Variants in RGS6 observed in about 807,000 individuals in gnomAD.
RGS6 encodes regulator of G protein signaling 6.
A neutral mutation model predicts 78.5 loss-of-function variants in RGS6; 30 were observed. That is an observed-to-expected ratio of 0.38 (90% confidence interval 0.29 to 0.52). The LOEUF (loss-of-function observed/expected upper bound fraction) is 0.52, where lower values mean the gene tolerates loss of function less well. Ranked by LOEUF, RGS6 falls within the 20% of genes least tolerant of loss-of-function variation. RGS6 has a pLI of 0.85. For synonymous variants in RGS6, 206 were observed against 206.0 expected, an observed-to-expected ratio of 1.00 and a Z score of 0.00; for missense variants, 495 against 609.7, an observed-to-expected ratio of 0.81 and a Z score of 1.98.
intron 2 of RGS6, among the ~76,000 whole-genome samples, chr14:72,280,496 CATATTT>C (rs1452778961): frequency 7.9e-5 from 12 of 152,134 alleles, no homozygotes; most frequent in African/African-American, 2.9e-4. Flanking sequence ...GTGGTGATGA[CATATTT>C]ATATCACAGA....
At chr14:72,546,245 C>G (rs2097400828) in intron 17 of RGS6, among the ~76,000 whole-genome samples, 1 of 152,200 alleles carries the variant, frequency 6.6e-6, no homozygotes, top group African/African-American at 2.4e-5. Flanking sequence ...TATCTTGACT[C>G]TGTGTGAAAT....
At chr14:72,548,712 C>G (rs114588031) in intron 17 of RGS6, among the ~76,000 whole-genome samples, 1 of 151,844 alleles carries the variant, frequency 6.6e-6, no homozygotes, top group South Asian at 2.1e-4. Context: ...AAATGTCTAG[C>G]CCCCCAGCAG....
chr14:72,453,166 G>A, intron 3 of RGS6, among the ~76,000 whole-genome samples: 1 of 152,186 alleles, frequency 6.6e-6, no homozygotes, highest in Non-Finnish European at 1.5e-5. Flanking sequence ...TTTCTGTTCA[G>A]ATAAATCAAG....
chr14:71,907,901 G>A, the RGS6 span, among the ~76,000 whole-genome samples: 126,184 of 152,136 alleles, frequency 0.83, 52,549 homozygotes, highest in Middle Eastern at 0.85. Context: ...TTGGTGCACA[G>A]GAGAGCAGAT....
intron 2 of RGS6, among the ~76,000 whole-genome samples, chr14:72,104,584 C>T (rs775958264): frequency 5.9e-5 from 9 of 152,186 alleles, no homozygotes; most frequent in African/African-American, 9.6e-5. Flanking sequence ...TACATCCAGA[C>T]GCAAAGCCAC....
chr14:72,369,427 G>C (rs927681726), intron 3 of RGS6, among the ~76,000 whole-genome samples: 2 of 152,182 alleles, frequency 1.3e-5, no homozygotes, highest in African/African-American at 4.8e-5. Flanking sequence ...AGAACTGTGA[G>C]ATAATAAATT....
intron 2 of RGS6, among the ~76,000 whole-genome samples, chr14:72,021,083 C>T (rs2088349023): frequency 6.6e-6 from 1 of 152,190 alleles, no homozygotes; most frequent in Non-Finnish European, 1.5e-5. Flanking sequence ...TCTTTCTGTT[C>T]TCTGCTGATG....
chr14:72,102,618 T>C (rs1481200040), intron 2 of RGS6, among the ~76,000 whole-genome samples: 1 of 152,192 alleles, frequency 6.6e-6, no homozygotes, highest in Non-Finnish European at 1.5e-5. Flanking sequence ...AAGATTTTAA[T>C]TTAGCATGCC....
At chr14:72,331,470 A>G (rs1043645557) in intron 2 of RGS6, among the ~76,000 whole-genome samples, 2 of 152,202 alleles carry the variant, frequency 1.3e-5, no homozygotes, top group Non-Finnish European at 2.9e-5. Context: ...TGCAGTATTC[A>G]GTGGAGACAA....
rs558534392 is a variant in RGS6, at chr14:72,535,884, T to C, written c.1279-302T>C. The stretch of plus-strand genomic sequence containing the variant: ...GTTGGGTGTAAGAACAGTTTGTTCC[T>C]CCTCATTGCCATGTCTGGTTTTAAT... On this transcript the variant is annotated intron_variant, in intron 15 of 17. Coordinates refer to ENST00000553525, the MANE Select transcript of RGS6 (RefSeq NM_001204424.2). Among the ~76,000 whole-genome samples, 14 of 152,296 alleles carry C rather than the reference T, an allele frequency of 9.2e-5. No individual in the cohort carries two copies. The South Asian group carries it at 2.9e-3, about 32-fold the overall frequency.
chr14:72,470,739 C>T (rs1360170430), intron 8 of RGS6, among the ~76,000 whole-genome samples: 2 of 151,996 alleles, frequency 1.3e-5, no homozygotes, highest in Non-Finnish European at 2.9e-5. Context: ...ATTAGCTGGG[C>T]ATAGTGGTAC....
chr14:72,213,675 C>T (rs1450977046), intron 2 of RGS6, among the ~76,000 whole-genome samples: 1 of 152,162 alleles, frequency 6.6e-6, no homozygotes, highest in African/African-American at 2.4e-5. Context: ...CATCATCCCA[C>T]GTGTGCATCC....
chr14:72,496,046 G>T (rs1255911878), intron 13 of RGS6, among the ~76,000 whole-genome samples: 1 of 151,850 alleles, frequency 6.6e-6, no homozygotes, highest in African/African-American at 2.4e-5. Context: ...TTTCACTTTT[G>T]CCCCTTTTCT....
At chr14:71,940,338 C>T (rs960424531) in intron 1 of RGS6, among the ~76,000 whole-genome samples, 1 of 152,154 alleles carries the variant, frequency 6.6e-6, no homozygotes, top group Admixed American at 6.5e-5. Context: ...GGGACCCAGC[C>T]TCCCCTTTGT....
the RGS6 span, among the ~76,000 whole-genome samples, chr14:72,630,026 CGA>C: frequency 6.6e-6 from 1 of 152,064 alleles, no homozygotes; most frequent in Non-Finnish European, 1.5e-5. Context: ...TCAGAGAGAA[CGA>C]GAGAGGAAAC....
intron 2 of RGS6, among the ~76,000 whole-genome samples, chr14:72,330,339 C>A (rs977657470): frequency 3.3e-5 from 5 of 152,220 alleles, no homozygotes; most frequent in African/African-American, 1.2e-4. Flanking sequence ...ATTCCAAGTC[C>A]TTCTCATCTT....
intron 2 of RGS6, among the ~76,000 whole-genome samples, chr14:71,982,260 G>T (rs1318672419): frequency 6.6e-6 from 1 of 152,210 alleles, no homozygotes; most frequent in Non-Finnish European, 1.5e-5. Context: ...CGTCGCTCAG[G>T]CTGGGAGCTG....
rs1467735626 is a variant in RGS6 at position 72,473,259 on chromosome 14, C to T, written c.618+306C>T. On this transcript the variant is annotated intron_variant, in intron 9 of 17. Transcript: ENST00000553525. ...TCGATCAAGACCATCCTGGCTAACACGGTGAAACCCCGTCGCTACTAAAAA... is the reference window on the plus strand; with the variant it reads ...TCGATCAAGACCATCCTGGCTAACATGGTGAAACCCCGTCGCTACTAAAAA... Among the ~76,000 whole-genome samples the T allele has an allele frequency of 5.9e-5, 9 of 152,250 alleles. No individual in the cohort carries two copies. The East Asian group carries it at 1.2e-3, about 20-fold the overall frequency.
chr14:72,285,928 T>C (rs1024090356), intron 2 of RGS6, among the ~76,000 whole-genome samples: 9 of 152,232 alleles, frequency 5.9e-5, no homozygotes, highest in Admixed American at 1.3e-4. Flanking sequence ...TTGTCAGATA[T>C]GTGGTTTGTG....
Sources: gnomAD v4.1 joint callset for allele counts (sites outside exome capture counted in the v4.1 genomes callset) on GRCh38, gnomAD v4.1.1 for gene constraint, MANE v1.5 for transcripts, NCBI Gene and HGNC (gene_info 2026-07-23, HGNC 2026-07-21) for gene names.